The following ANGPT1 variants were observed in gnomAD, a reference collection of about 807,000 sequenced individuals.
The protein encoded by ANGPT1 is angiopoietin 1.
A neutral mutation model predicts 62.2 loss-of-function variants in ANGPT1; 17 were observed. That is an observed-to-expected ratio of 0.27 (90% CI 0.19 to 0.41). The LOEUF (loss-of-function observed/expected upper bound fraction) is 0.41, where lower values mean the gene tolerates loss of function less well. ANGPT1 is among the 10% of genes least tolerant of loss of function. The pLI is 1.00. For missense variants in ANGPT1, 478 were observed against 594.9 expected, an observed-to-expected ratio of 0.80 and a Z score of 2.04; for synonymous variants, 199 against 198.9, an observed-to-expected ratio of 1.00 and a Z score of 0.00.
intron 1 of ANGPT1, among the ~76,000 whole-genome samples, chr8:107,385,816 C>A (rs999885689): frequency 6.6e-6 from 1 of 151,966 alleles, no homozygotes; most frequent in Non-Finnish European, 1.5e-5. Context: ...CGATGCCTAG[C>A]TTGTTGATGG....
chr8:107,483,367 C>T (rs1586361126), intron 1 of ANGPT1, among the ~76,000 whole-genome samples: 1 of 152,096 alleles, frequency 6.6e-6, no homozygotes, highest in Non-Finnish European at 1.5e-5. Flanking sequence ...TTGTTGAAGG[C>T]TGAGTATGAG....
chr8:107,490,605 C>A (rs922959731), intron 1 of ANGPT1, among the ~76,000 whole-genome samples: 1 of 152,198 alleles, frequency 6.6e-6, no homozygotes, highest in Non-Finnish European at 1.5e-5. Flanking sequence ...ACAAACCTTA[C>A]AATCTACCTT....
chr8:107,452,700 C>T (rs1432536354), intron 1 of ANGPT1, among the ~76,000 whole-genome samples: 3 of 151,884 alleles, frequency 2.0e-5, no homozygotes, highest in Non-Finnish European at 2.9e-5. Context: ...CCAGAATTTG[C>T]ATTAACTTGT....
Position 107,407,846 on chromosome 8 carries a change from G to C in ANGPT1, c.298-60749C>G, listed in dbSNP as rs1027323462. 3.9e-5 allele frequency among the ~76,000 whole-genome samples: 6 copies of C among 152,134 alleles called. No homozygotes were observed. The East Asian group carries it at 9.6e-4, about 24-fold the overall frequency. On this transcript the variant is annotated intron_variant, in intron 1 of 8. Transcript: ENST00000517746. ...CATCAGTCAATTTTGCATCTTGCTA[G>C]TTGTTCCAGAGAAAGATTGGACAGA...
At chr8:107,438,819 G>A (rs1158578694) in intron 1 of ANGPT1, among the ~76,000 whole-genome samples, 4 of 152,046 alleles carry the variant, frequency 2.6e-5, no homozygotes, top group Admixed American at 6.5e-5. Context: ...TTTTACCAGG[G>A]TTTAGAGAGG....
intron 1 of ANGPT1, among the ~76,000 whole-genome samples, chr8:107,439,780 A>C (rs937257380): frequency 1.3e-5 from 2 of 152,190 alleles, no homozygotes; most frequent in Admixed American, 6.5e-5. Context: ...AGTGTCCATG[A>C]AAATAAGGAA....
chr8:107,447,304 A>C (rs1811648157), intron 1 of ANGPT1, among the ~76,000 whole-genome samples: 2 of 152,164 alleles, frequency 1.3e-5, no homozygotes, highest in Admixed American at 1.3e-4. Flanking sequence ...TCAAAGGCAA[A>C]GTGCCTGTGG....
chr8:107,378,015 G>A (rs1350308403), intron 1 of ANGPT1, among the ~76,000 whole-genome samples: 1 of 152,128 alleles, frequency 6.6e-6, no homozygotes, highest in Non-Finnish European at 1.5e-5. Context: ...GCAGAGCCAA[G>A]CGAATAGTTG....
At chr8:107,300,000 TATATCTAG>T (rs1356831729) in intron 5 of ANGPT1, among the ~76,000 whole-genome samples, 18 of 138,140 alleles carry the variant, frequency 1.3e-4, no homozygotes, top group Admixed American at 2.2e-4. Flanking sequence ...GATATAACTA[TATATCTAG>T]ATATCTAGAT....
chr8:107,333,953 AAAG>A (rs1262909878), intron 3 of ANGPT1, among the ~76,000 whole-genome samples: 3 of 132,694 alleles, frequency 2.3e-5, no homozygotes, highest in African/African-American at 8.4e-5. Context: ...AAAAAGAAAG[AAAG>A]AAAAGAAAGA....
chr8:107,272,140 G>C (rs1813750550), intron 7 of ANGPT1, among the ~76,000 whole-genome samples: 1 of 151,992 alleles, frequency 6.6e-6, no homozygotes, highest in Non-Finnish European at 1.5e-5. Flanking sequence ...CAGATGTCCT[G>C]AGGTAGATAT....
At chr8:107,453,758 C>T (rs1345341778) in intron 1 of ANGPT1, among the ~76,000 whole-genome samples, 1 of 151,320 alleles carries the variant, frequency 6.6e-6, no homozygotes, top group Non-Finnish European at 1.5e-5. Context: ...TCTAGATGCT[C>T]AACAGTAGAT....
chr8:107,256,281 A>G (rs924082474), intron 8 of ANGPT1, among the ~76,000 whole-genome samples: 9 of 152,208 alleles, frequency 5.9e-5, no homozygotes, highest in African/African-American at 2.2e-4. Context: ...TGTGTAGGCA[A>G]GGATTCTCTG....
chr8:107,329,730 T>C (rs979346325), intron 3 of ANGPT1, among the ~76,000 whole-genome samples: 1 of 151,940 alleles, frequency 6.6e-6, no homozygotes. Flanking sequence ...GTTAGAGCTA[T>C]TGGGACATTT....
intron 3 of ANGPT1, among the ~76,000 whole-genome samples, chr8:107,332,514 T>C (rs567732778): frequency 4.6e-5 from 7 of 152,332 alleles, no homozygotes; most frequent in African/African-American, 1.7e-4. Context: ...GATAGAGAAG[T>C]GAATCTCATG....
chr8:107,366,395 C>A (rs2514857), intron 1 of ANGPT1, among the ~76,000 whole-genome samples: 63,905 of 151,926 alleles, frequency 0.42, 15,657 homozygotes, highest in Admixed American at 0.55. Context: ...TACTTCAGGG[C>A]AGACTAAACA....
chr8:107,335,042 T>C (rs1470551097), intron 3 of ANGPT1, among the ~76,000 whole-genome samples: 1 of 152,256 alleles, frequency 6.6e-6, no homozygotes, highest in Non-Finnish European at 1.5e-5. Context: ...ATTGTTGCAT[T>C]ATGCTCTACT....
chr8:107,355,868 A>G (rs1317739361), intron 1 of ANGPT1, among the ~76,000 whole-genome samples: 1 of 152,112 alleles, frequency 6.6e-6, no homozygotes, highest in Non-Finnish European at 1.5e-5. Context: ...TCTGTTTTTC[A>G]TAATAGCTTT....
intron 1 of ANGPT1, among the ~76,000 whole-genome samples, chr8:107,383,258 T>A (rs1816673658): frequency 6.6e-6 from 1 of 152,046 alleles, no homozygotes; most frequent in African/African-American, 2.4e-5. Context: ...AATGGTTGTG[T>A]GGGTCTCAGC....
Sources: gnomAD v4.1 joint callset for allele counts (sites outside exome capture counted in the v4.1 genomes callset) on GRCh38, gnomAD v4.1.1 for gene constraint, MANE v1.5 for transcripts, NCBI Gene and HGNC (gene_info 2026-07-23, HGNC 2026-07-21) for gene names.